Variants in LYPD2 observed in about 807,000 individuals in gnomAD.
The protein encoded by LYPD2 is ly6/PLAUR domain-containing protein 2.
A neutral mutation model predicts 7.1 loss-of-function variants in LYPD2; 5 were observed. The observed-to-expected ratio is 0.70, with a 90% confidence interval of 0.37 to 1.48. The LOEUF (loss-of-function observed/expected upper bound fraction) is 1.48. Ranked by LOEUF, LYPD2 falls within the 40% of genes most tolerant of loss-of-function variation. The pLI, the probability that LYPD2 is intolerant of heterozygous loss-of-function variation, is 0.03. For missense variants in LYPD2, 177 were observed against 171.0 expected, an observed-to-expected ratio of 1.04 and a Z score of -0.20; for synonymous variants, 78 against 82.0, an observed-to-expected ratio of 0.95 and a Z score of 0.26.
rs1814678125 is a variant in LYPD2 at position 142,750,441 on chromosome 8, C to T, written c.220G>A (p.Ala74Thr). Residue 74 changes from alanine to threonine, a missense_variant, in exon 3 of 3, where the codon GCC becomes ACC. By Grantham distance (58) the Ala-to-Thr change is moderately conservative (BLOSUM62 0). Transcript: ENST00000359228. ...QGDSTVTKSCASKCKPSDVDG... is the reference protein window; with the variant it reads ...QGDSTVTKSCTSKCKPSDVDG... ...ACATCCGAGGGCTTACACTTGCTGGCACAGGACTTGGTCACCGTGGAGTCC... is the reference window on the plus strand; with the variant it reads ...ACATCCGAGGGCTTACACTTGCTGGTACAGGACTTGGTCACCGTGGAGTCC... 1.9e-6 allele frequency: 3 copies of T among 1,590,372 alleles called. No individual in the cohort carries two copies. The highest frequency in any genetic ancestry group is 1.7e-6 in the Non-Finnish European group (2 of 1,168,286).
At chr8:142,752,277 G>A (rs1477609382) in intron 1 of LYPD2, 117 bp downstream of exon 1, 3 of 1,178,350 alleles carry the variant, frequency 2.5e-6, no homozygotes, top group Non-Finnish European at 2.4e-6. Flanking sequence ...CGGCCCCACA[G>A]CTCTGGCTTC....
rs1158509345 is a variant in LYPD2 at position 142,752,501 on chromosome 8, A to T, written c.-50T>A. The T allele has an allele frequency of 1.2e-6, 2 of 1,602,396 alleles. No homozygotes were observed. The highest frequency in any genetic ancestry group is 2.7e-5 in the African/African-American group (2 of 74,546). On this transcript the variant is annotated 5_prime_UTR_variant, in exon 1 of 3. Transcript: ENST00000359228. The stretch of plus-strand genomic sequence containing the variant: ...CTCACCCCAGGCTTGCCTGGCGGGG[A>T]CAGCAGACACCAAGTGAGGTGGCGA...
At chr8:142,750,978 G>A (rs1399384945) in intron 2 of LYPD2, 73 bp downstream of exon 2, 12 of 1,600,202 alleles carry the variant, frequency 7.5e-6, no homozygotes, top group African/African-American at 1.3e-5. Context: ...TATCTCCTGG[G>A]AGTAGAGTGT....
At position 142,750,419 on chromosome 8, in the gene LYPD2, T is replaced by A; in HGVS notation, c.242A>T (p.Asp81Val). The change falls in exon 3 of 3, where the codon GAT becomes GTT. Residue 81 changes from aspartate to valine, a missense_variant. Transcript: ENST00000359228. ...KSCASKCKPS[D>V]VDGIGQTLPV... Reference sequence around the variant, plus strand: ...CAGGGTCTGGCCGATGCCATCCACATCCGAGGGCTTACACTTGCTGGCACA... The same window carrying A: ...CAGGGTCTGGCCGATGCCATCCACAACCGAGGGCTTACACTTGCTGGCACA... The A allele has an allele frequency of 6.3e-7, 1 of 1,588,178 alleles. No homozygotes were observed. The highest frequency in any genetic ancestry group is 1.3e-5 in the African/African-American group (1 of 74,522).
At position 142,751,095 on chromosome 8, in the gene LYPD2, G is replaced by A. The variant is rs758277446; in HGVS notation, c.134C>T (p.Thr45Ile). Residue 45 changes from threonine to isoleucine, a missense_variant, in exon 2 of 3, where the codon ACC becomes ATC. Thr to Ile is a moderately conservative substitution (Grantham distance 89). Transcript: ENST00000359228. ...SDCVTIATCT[T>I]NETMCKTTLY... ...TGTGGTCTTGCACATGGTTTCGTTG[G>A]TGGTGCAGGTGGCGATGGTGACACA... The A allele has an allele frequency of 3.7e-6, 6 of 1,614,236 alleles. No individual in the cohort carries two copies. Among genetic ancestry groups the A allele is most frequent in the Admixed American group, 1.7e-5 (1 of 60,030 alleles).
chr8:142,750,324 C>T lies in LYPD2; in HGVS notation c.337G>A (p.Gly113Arg), dbSNP rs1415988261. 2.0e-5 allele frequency: 31 copies of T among 1,554,614 alleles called. No individual in the cohort carries two copies. Among genetic ancestry groups the T allele is most frequent in the Middle Eastern group, 1.7e-4 (1 of 6,020 alleles). ...AAGAGTGGGAGGAGCGTGAGGGCCC[C>T]GCAGTGGAGGCTGTTCAGAGCGGGC... Reference protein sequence around the residue: ...GAPALNSLHCGALTLLPLLSL... With the variant: ...GAPALNSLHCRALTLLPLLSL... The change falls in exon 3 of 3, where the codon GGG (glycine) becomes AGG (arginine). Residue 113 changes from glycine to arginine, a missense_variant. Transcript: ENST00000359228.
chr8:142,752,260 A>G (rs1176755236), intron 1 of LYPD2, 134 bp downstream of exon 1: 1 of 749,966 alleles, frequency 1.3e-6, no homozygotes, highest in African/African-American at 2.2e-5. Context: ...CGGGGGGGCC[A>G]CACCCCCGGC....
rs1268933295 is a variant in LYPD2, at chr8:142,752,447, C to CT, written c.4_5insA (p.Arg2GlnfsTer77). On this transcript the variant is annotated frameshift_variant, in exon 1 of 3. Transcript: ENST00000359228. LOFTEE classifies it high-confidence loss of function. ...CGCCAGGAGCGCCAGCCGCGTCCCCCGCATGGTCCCGGCCCACTCCTCTGT... is the reference window on the plus strand; with the variant it reads ...CGCCAGGAGCGCCAGCCGCGTCCCCCTGCATGGTCCCGGCCCACTCCTCTGT... The CT allele has an allele frequency of 6.2e-7, 1 of 1,613,268 alleles. No individual in the cohort carries two copies. The highest frequency in any genetic ancestry group is 2.2e-5 in the East Asian group (1 of 44,860).
Position 142,751,152 on chromosome 8 carries a change from T to G in LYPD2, c.77A>C (p.Tyr26Ser). 6.2e-7 allele frequency: 1 copy of G among 1,614,024 alleles called. No individual in the cohort carries two copies. The highest frequency in any genetic ancestry group is 8.5e-7 in the Non-Finnish European group (1 of 1,179,996). ...CGELAPALRC[Y>S]VCPEPTGVSD... ...CACTCCTGTGGGCTCCGGACAGACG[T>G]AGCAGCGCAGGGCCGGCGCTGGGGA... The change falls in exon 2 of 3, where the codon TAC becomes TCC. Residue 26 changes from tyrosine (Y) to serine (S), a missense_variant. Transcript: ENST00000359228.
chr8:142,751,160 C>CA lies in LYPD2; in HGVS notation c.68dup (p.Arg24AlafsTer55). ...TGGGCTCCGGACAGACGTAGCAGCG[C>CA]AGGGCCGGCGCTGGGGAGAAGGGAC... On this transcript the variant is annotated frameshift_variant, in exon 2 of 3. Coordinates refer to ENST00000359228, the MANE Select transcript of LYPD2 (RefSeq NM_205545.3). LOFTEE classifies it high-confidence loss of function. 1 of 1,614,030 alleles carries CA rather than the reference C, an allele frequency of 6.2e-7. No individual in the cohort carries two copies. The highest frequency in any genetic ancestry group is 8.5e-7 in the Non-Finnish European group (1 of 1,180,022).
chr8:142,752,321 C>A (rs1814727112), intron 1 of LYPD2, 73 bp downstream of exon 1: 4 of 1,586,504 alleles, frequency 2.5e-6, no homozygotes, highest in African/African-American at 2.7e-5. Context: ...GGGGCGCCCT[C>A]CCGGGAACAG....
At position 142,750,208 on chromosome 8, in the gene LYPD2, A is replaced by T; in HGVS notation, c.*75T>A. 7.7e-7 allele frequency: 1 copy of T among 1,302,772 alleles called. No individual in the cohort carries two copies. The highest frequency in any genetic ancestry group is 1.4e-5 in the South Asian group (1 of 74,068). 80.7% of individuals were successfully genotyped at this position (1,302,772 alleles called of 1,614,324 possible). A position where few individuals can be genotyped will look rare whatever the true frequency, so the allele number is the denominator to read the frequency against. ...TCTGTGCCCAGAAAGGAGACTCAGGAGTCCTGGTGCAGGGGGCACTTCTTC... is the reference window on the plus strand; with the variant it reads ...TCTGTGCCCAGAAAGGAGACTCAGGTGTCCTGGTGCAGGGGGCACTTCTTC... On this transcript the variant is annotated 3_prime_UTR_variant, in exon 3 of 3. Transcript: ENST00000359228.
rs1554644320 is a variant in LYPD2 at position 142,752,512 on chromosome 8, CA to C, written c.-62del. 6 of 1,590,762 alleles carry C rather than the reference CA, an allele frequency of 3.8e-6. No individual in the cohort carries two copies. Among genetic ancestry groups the C allele is most frequent in the Non-Finnish European group, 5.2e-6 (6 of 1,162,582 alleles). On this transcript the variant is annotated 5_prime_UTR_variant, in exon 1 of 3. Coordinates refer to ENST00000359228, the MANE Select transcript of LYPD2 (RefSeq NM_205545.3). ...CTTGCCTGGCGGGGACAGCAGACAC[CA>C]AGTGAGGTGGCGACAGACTGGTCTG...
rs777765817 is a variant in LYPD2 at position 142,751,097 on chromosome 8, G to A, written c.132C>T (p.Thr44=). ...VSDCVTIATC[T]TNETMCKTTL... is the part of the protein sequence containing the mutation. ...TGGTCTTGCACATGGTTTCGTTGGT[G>A]GTGCAGGTGGCGATGGTGACACAGT... Residue 44 remains threonine, a synonymous_variant, in exon 2 of 3, where the codon ACC becomes ACT. Transcript: ENST00000359228. 1 of 1,614,216 alleles carries A rather than the reference G, an allele frequency of 6.2e-7. No individual in the cohort carries two copies.
Position 142,751,040 on chromosome 8 carries a change from T to C in LYPD2, c.178+11A>G, listed in dbSNP as rs775473176. On this transcript the variant is annotated intron_variant, in intron 2 of 2. Coordinates refer to ENST00000359228, the MANE Select transcript of LYPD2 (RefSeq NM_205545.3). ...GGAACCCGGCCCTGCCCGCCTTCTG[T>C]GCCCACTGACCTATCTCCCGGGAGT... is the stretch of plus-strand genomic sequence containing the variant. The C allele has an allele frequency of 6.2e-7, 1 of 1,614,002 alleles. No individual in the cohort carries two copies. Among genetic ancestry groups the C allele is most frequent in the South Asian group, 1.1e-5 (1 of 91,080 alleles).
intron 2 of LYPD2, 35 bp downstream of exon 2, chr8:142,751,016 G>C: frequency 6.2e-7 from 1 of 1,613,538 alleles, no homozygotes; most frequent in Non-Finnish European, 8.5e-7. Flanking sequence ...CTCTGACCGG[G>C]AACCCGGCCC....
intron 1 of LYPD2, 22 bp from the exon 2 acceptor site, chr8:142,751,192 G>T (rs371611255): frequency 6.2e-7 from 1 of 1,612,300 alleles, no homozygotes. Context: ...GGACAAGGGC[G>T]GTCAGGCAGG....
Position 142,751,140 on chromosome 8 carries a change from T to C in LYPD2, c.89A>G (p.Glu30Gly). 6.2e-7 allele frequency: 1 copy of C among 1,614,148 alleles called. No homozygotes were observed. The change falls in exon 2 of 3, where the codon GAG (glutamate) becomes GGG (glycine). Residue 30 changes from glutamate to glycine, a missense_variant. Physicochemically the swap from Glu to Gly is moderately conservative, Grantham distance 98 (BLOSUM62 -2). Transcript: ENST00000359228. ...APALRCYVCP[E>G]PTGVSDCVTI... ...GACACAGTCCGACACTCCTGTGGGC[T>C]CCGGACAGACGTAGCAGCGCAGGGC...
Position 142,751,010 on chromosome 8 carries a change from G to C in LYPD2, c.178+41C>G, listed in dbSNP as rs1814695846. ...GTGTGACTGGGCTGGAGGTGGCTCT[G>C]ACCGGGAACCCGGCCCTGCCCGCCT... On this transcript the variant is annotated intron_variant, in intron 2 of 2. Transcript: ENST00000359228. The C allele has an allele frequency of 3.7e-6, 6 of 1,613,062 alleles. No individual in the cohort carries two copies. In the South Asian group the frequency reaches 6.6e-5, roughly 18 times the overall value.
Sources: gnomAD v4.1 joint callset for allele counts on GRCh38, gnomAD v4.1.1 for gene constraint, MANE v1.5 for transcripts, NCBI Gene and HGNC (gene_info 2026-07-23, HGNC 2026-07-21) for gene names.